ACTN2: variants seen among roughly 807,000 people sequenced by gnomAD.
The protein encoded by ACTN2 is alpha-actinin-2.
ACTN2 carries 39 observed loss-of-function variants against 113.8 expected under a neutral mutation model. That is an observed-to-expected ratio of 0.34 (90% CI 0.27 to 0.45). The LOEUF is 0.45. ACTN2 is among the 20% of genes least tolerant of loss of function. The probability of loss-of-function intolerance (pLI) is 1.00; values close to 1 mark genes in which losing one functional copy is unlikely to be tolerated. For synonymous variants in ACTN2, 429 were observed against 444.1 expected (o/e 0.97, Z 0.43); for missense variants, 992 against 1,177.9 (o/e 0.84, Z 2.31).
rs189082647 is a variant in ACTN2 at position 236,702,152 on chromosome 1, C to T, written c.126+15353C>T. 1.3e-4 allele frequency among the ~76,000 whole-genome samples: 20 copies of T among 152,254 alleles called. No individual in the cohort carries two copies. The East Asian group carries it at 2.9e-3, about 22-fold the overall frequency. On this transcript the variant is annotated intron_variant, in intron 1 of 20. Coordinates refer to ENST00000366578, the MANE Select transcript of ACTN2 (RefSeq NM_001103.4). ...AGCTGTAAAAAAAGTCTTGAAGTAG[C>T]GCTTCATTGAGCAAAATTAACTTCA...
intron 4 of ACTN2, among the ~76,000 whole-genome samples, chr1:236,724,142 C>T (rs984757988): frequency 6.6e-6 from 1 of 151,438 alleles, no homozygotes; most frequent in Non-Finnish European, 1.5e-5. Context: ...GGATCCTCTT[C>T]CTGGCTTGCA....
intron 1 of ACTN2, among the ~76,000 whole-genome samples, chr1:236,697,402 G>A (rs1033958356): frequency 6.6e-6 from 1 of 152,202 alleles, no homozygotes; most frequent in East Asian, 1.9e-4. Flanking sequence ...TGGAGATTTA[G>A]GTACGGAAGT....
chr1:236,688,130 A>C (rs1371186234), intron 1 of ACTN2, among the ~76,000 whole-genome samples: 1 of 152,190 alleles, frequency 6.6e-6, no homozygotes, highest in Non-Finnish European at 1.5e-5. Context: ...GGACCAGCTG[A>C]TGCATCATCC....
chr1:236,708,709 G>A (rs1479489085), intron 1 of ACTN2, among the ~76,000 whole-genome samples: 1 of 152,204 alleles, frequency 6.6e-6, no homozygotes, highest in Non-Finnish European at 1.5e-5. Flanking sequence ...GGGCCTTGCT[G>A]GCTGGGGGGA....
intron 19 of ACTN2, 35 bp downstream of exon 19, chr1:236,759,824 T>C (rs768226793): frequency 2.5e-6 from 4 of 1,581,740 alleles, no homozygotes; most frequent in Non-Finnish European, 3.5e-6. Flanking sequence ...TAAGATTTGA[T>C]ATTTTATTGA....
At chr1:236,715,316 C>G (rs867231611) in intron 1 of ACTN2, among the ~76,000 whole-genome samples, 1 of 110,550 alleles carries the variant, frequency 9.0e-6, no homozygotes, top group East Asian at 3.3e-4. Context: ...CCTCCCCCCA[C>G]CCTGTTACCA....
At chr1:236,737,910 A>G (rs892538004) in intron 9 of ACTN2, among the ~76,000 whole-genome samples, 2 of 152,246 alleles carry the variant, frequency 1.3e-5, no homozygotes, top group Non-Finnish European at 1.5e-5. Flanking sequence ...CATGGGCTGC[A>G]TGAGGCCCCC....
chr1:236,738,473 C>G (rs116215829), intron 9 of ACTN2, among the ~76,000 whole-genome samples: 42 of 152,350 alleles, frequency 2.8e-4, no homozygotes, highest in Non-Finnish European at 5.3e-4. Flanking sequence ...ATGGCAGTGA[C>G]AGGGTTGCCA....
At chr1:236,740,274 C>T (rs1005803186) in intron 10 of ACTN2, among the ~76,000 whole-genome samples, 75 of 151,846 alleles carry the variant, frequency 4.9e-4, no homozygotes, top group African/African-American at 1.7e-3. Context: ...CCACCACGCC[C>T]GGCTAATTTT....
At chr1:236,716,056 G>A (rs1055623830) in intron 1 of ACTN2, among the ~76,000 whole-genome samples, 2 of 150,816 alleles carry the variant, frequency 1.3e-5, no homozygotes, top group Non-Finnish European at 2.9e-5. Flanking sequence ...TAGGCTCTCA[G>A]GGTAAAATTT....
intron 9 of ACTN2, among the ~76,000 whole-genome samples, chr1:236,739,023 G>A (rs545187714): frequency 6.6e-6 from 1 of 152,146 alleles, no homozygotes; most frequent in South Asian, 2.1e-4. Context: ...GCTAATGTCT[G>A]GTCCCTGAGT....
intron 1 of ACTN2, among the ~76,000 whole-genome samples, chr1:236,701,950 AATC>A (rs961226169): frequency 1.2e-4 from 18 of 152,140 alleles, no homozygotes; most frequent in African/African-American, 4.3e-4. Context: ...AAGCAGGAAA[AATC>A]ATGTCAGAAA....
At chr1:236,694,835 C>T (rs1657432991) in intron 1 of ACTN2, among the ~76,000 whole-genome samples, 1 of 152,098 alleles carries the variant, frequency 6.6e-6, no homozygotes, top group Non-Finnish European at 1.5e-5. Context: ...GAGGCTGAGG[C>T]AAGGCTGTCT....
intron 1 of ACTN2, among the ~76,000 whole-genome samples, chr1:236,707,421 A>G (rs1297700450): frequency 6.6e-6 from 1 of 152,226 alleles, no homozygotes; most frequent in Non-Finnish European, 1.5e-5. Context: ...ATGCTCAAGT[A>G]GGCTTAAATC....
In ACTN2 at chr1:236,737,297, G is replaced by T. The variant is rs1343035274; in HGVS notation, c.876+83G>T. The T allele has an allele frequency of 1.1e-4, 35 of 322,226 alleles. 3 individuals carry two copies. The highest frequency in any genetic ancestry group is 3.3e-4 in the Admixed American group (8 of 24,444). 20.0% of individuals were successfully genotyped at this position (322,226 alleles called of 1,614,324 possible). ...GAGGGTGAAAAAATACTCCGTGGGG[G>T]CATATATATATATATATATATTTTG... On this transcript the variant is annotated intron_variant, in intron 9 of 20. Transcript: ENST00000366578.
chr1:236,746,290 C>A (rs1328464163), intron 12 of ACTN2, among the ~76,000 whole-genome samples: 1 of 151,846 alleles, frequency 6.6e-6, no homozygotes, highest in Admixed American at 6.6e-5. Flanking sequence ...TTTGAAGCAG[C>A]CTCCTGAAGA....
intron 13 of ACTN2, among the ~76,000 whole-genome samples, chr1:236,748,335 T>C (rs1411807953): frequency 6.6e-6 from 1 of 152,178 alleles, no homozygotes; most frequent in Non-Finnish European, 1.5e-5. Context: ...TGCTTGACTC[T>C]GATGATACTT....
At chr1:236,689,300 GATATATATATATATATATATATAT>G (rs57239117) in intron 1 of ACTN2, among the ~76,000 whole-genome samples, 10 of 122,596 alleles carry the variant, frequency 8.2e-5, no homozygotes, top group East Asian at 2.3e-4. Flanking sequence ...TTACAGATGT[GATATATATATATATATATATATAT>G]ATATATATAT....
intron 1 of ACTN2, among the ~76,000 whole-genome samples, chr1:236,703,950 A>G (rs910600324): frequency 1.5e-4 from 23 of 152,210 alleles, no homozygotes; most frequent in African/African-American, 5.5e-4. Context: ...AACAGATGGA[A>G]ATACTTTAGC....
Sources: allele counts gnomAD v4.1 joint callset (sites outside exome capture counted in the v4.1 genomes callset), GRCh38; gene constraint gnomAD v4.1.1; transcripts MANE v1.5; gene names NCBI Gene and HGNC (gene_info 2026-07-23, HGNC 2026-07-21).